ELMO1: variants seen among roughly 807,000 people sequenced by gnomAD.
The protein encoded by ELMO1 is engulfment and cell motility 1.
ELMO1 carries 26 observed loss-of-function variants against 98.9 expected under a neutral mutation model. The ratio of observed to expected loss-of-function variants is 0.26; its 90% CI spans 0.19 to 0.36. The LOEUF (loss-of-function observed/expected upper bound fraction) is 0.36, where lower values mean the gene tolerates loss of function less well. Ranked by LOEUF, ELMO1 falls within the 10% of genes least tolerant of loss-of-function variation. The pLI, the probability that ELMO1 is intolerant of heterozygous loss-of-function variation, is 1.00. For missense variants in ELMO1, 627 were observed against 935.2 expected, an observed-to-expected ratio of 0.67 and a Z score of 4.30; for synonymous variants, 346 against 346.0, an observed-to-expected ratio of 1.00 and a Z score of 0.00.
chr7:37,107,612 A>G (rs986773544), intron 14 of ELMO1, among the ~76,000 whole-genome samples: 5 of 152,350 alleles, frequency 3.3e-5, no homozygotes, highest in African/African-American at 1.2e-4. Context: ...ACCGGAGTGC[A>G]AAGATACCAA....
chr7:37,179,407 A>G (rs1277576241), intron 13 of ELMO1, among the ~76,000 whole-genome samples: 1 of 151,380 alleles, frequency 6.6e-6, no homozygotes, highest in Non-Finnish European at 1.5e-5. Flanking sequence ...CCTCCCGAGT[A>G]TCTGTGATTA....
chr7:37,447,228 G>A (rs1647780), intron 1 of ELMO1, among the ~76,000 whole-genome samples: 18,384 of 152,166 alleles, frequency 0.12, 1,508 homozygotes, highest in Non-Finnish European at 0.17. Context: ...TACTTTTATA[G>A]AAGCAAAAGA....
intron 1 of ELMO1, among the ~76,000 whole-genome samples, chr7:37,367,740 C>G (rs1164524374): frequency 6.6e-6 from 1 of 151,960 alleles, no homozygotes; most frequent in Non-Finnish European, 1.5e-5. Context: ...CTACCAGAAA[C>G]AAACAAACAA....
intron 16 of ELMO1, among the ~76,000 whole-genome samples, chr7:36,929,178 G>A (rs1170639109): frequency 6.6e-6 from 1 of 152,144 alleles, no homozygotes; most frequent in Non-Finnish European, 1.5e-5. Flanking sequence ...CTACAGATTG[G>A]GGTATGGATT....
intron 1 of ELMO1, among the ~76,000 whole-genome samples, chr7:37,378,525 C>T (rs1802452704): frequency 1.3e-5 from 2 of 152,048 alleles, no homozygotes; most frequent in African/African-American, 4.8e-5. Flanking sequence ...CTACAAATCT[C>T]CCTCTAGAAA....
intron 16 of ELMO1, among the ~76,000 whole-genome samples, chr7:37,002,423 T>C (rs1223851946): frequency 1.3e-5 from 2 of 152,234 alleles, no homozygotes; most frequent in Admixed American, 1.3e-4. Flanking sequence ...CCATTCAATC[T>C]ATCACATTGG....
Position 37,315,907 on chromosome 7 carries a change from G to C in ELMO1, c.119+13C>G. 1 of 1,595,484 alleles carries C rather than the reference G, an allele frequency of 6.3e-7. No homozygotes were observed. The highest frequency in any genetic ancestry group is 8.5e-7 in the Non-Finnish European group (1 of 1,173,556). On this transcript the variant is annotated intron_variant, in intron 3 of 21. Coordinates refer to ENST00000310758, the MANE Select transcript of ELMO1 (RefSeq NM_014800.11). ...AACTAGAATGCCTTAGATAAATCCT[G>C]AGTAACACTTACCCATCACAGACTT... is the stretch of plus-strand genomic sequence containing the variant.
At chr7:37,158,226 C>T (rs193026079) in intron 13 of ELMO1, among the ~76,000 whole-genome samples, 35 of 152,224 alleles carry the variant, frequency 2.3e-4, no homozygotes, top group African/African-American at 7.0e-4. Flanking sequence ...TAGGCAATAC[C>T]ATTCAGGACA....
chr7:37,387,488 C>T (rs777452511), intron 1 of ELMO1, among the ~76,000 whole-genome samples: 1 of 152,120 alleles, frequency 6.6e-6, no homozygotes, highest in Non-Finnish European at 1.5e-5. Flanking sequence ...GATTAGGGGC[C>T]GACCCTACTC....
chr7:37,305,785 T>C lies in ELMO1; in HGVS notation c.192+9065A>G, dbSNP rs1798582574. ...CCACGTGAGACACAGAGCTGGAATA[T>C]ACAGTTTTTGATTGTAAAGTACTTG... On this transcript the variant is annotated intron_variant, in intron 4 of 21. Coordinates refer to ENST00000310758, the MANE Select transcript of ELMO1 (RefSeq NM_014800.11). 2.6e-5 allele frequency among the ~76,000 whole-genome samples: 4 copies of C among 152,226 alleles called. No homozygotes were observed. The South Asian group carries it at 8.3e-4, about 31-fold the overall frequency.
intron 1 of ELMO1, among the ~76,000 whole-genome samples, chr7:37,381,488 A>C (rs563387889): frequency 1.3e-5 from 2 of 152,362 alleles, no homozygotes; most frequent in East Asian, 3.9e-4. Flanking sequence ...ACTAATGAAG[A>C]GTGAAACCAC....
chr7:36,993,713 T>TA (rs1489818633), intron 16 of ELMO1, among the ~76,000 whole-genome samples: 2 of 152,248 alleles, frequency 1.3e-5, no homozygotes, highest in Admixed American at 1.3e-4. Context: ...AGAAAAGAGT[T>TA]AATTTGATAT....
chr7:36,948,222 G>T (rs574622200), intron 16 of ELMO1, among the ~76,000 whole-genome samples: 95 of 152,144 alleles, frequency 6.2e-4, no homozygotes, highest in African/African-American at 2.0e-3. Context: ...ATTTAGAGGG[G>T]TAGACAATGG....
intron 1 of ELMO1, among the ~76,000 whole-genome samples, chr7:37,403,033 C>G (rs1228466488): frequency 1.3e-5 from 2 of 152,198 alleles, no homozygotes; most frequent in Non-Finnish European, 2.9e-5. Flanking sequence ...TTACCAAAAC[C>G]TGCAAGCAAC....
chr7:36,899,701 A>C (rs1459687280), intron 16 of ELMO1, among the ~76,000 whole-genome samples: 8 of 2,070 alleles, frequency 3.9e-3, no homozygotes, highest in Non-Finnish European at 9.3e-3. Flanking sequence ...TTTTTTTTTT[A>C]CCACTCCTAA....
chr7:37,195,945 T>G (rs1791939882), intron 13 of ELMO1, among the ~76,000 whole-genome samples: 1 of 152,150 alleles, frequency 6.6e-6, no homozygotes, highest in Non-Finnish European at 1.5e-5. Context: ...CAAATTCAAA[T>G]CTGCTAACTT....
intron 1 of ELMO1, among the ~76,000 whole-genome samples, chr7:37,423,440 C>A (rs1223706450): frequency 6.6e-6 from 1 of 152,090 alleles, no homozygotes. Flanking sequence ...ATTAGCCAGG[C>A]GCAGCGGTGG....
At chr7:37,061,603 T>C (rs1048072761) in intron 15 of ELMO1, among the ~76,000 whole-genome samples, 3 of 152,070 alleles carry the variant, frequency 2.0e-5, no homozygotes, top group African/African-American at 7.2e-5. Context: ...AATCAACCAG[T>C]GGTCTTCAAG....
chr7:37,072,025 C>A (rs946779087), intron 15 of ELMO1, among the ~76,000 whole-genome samples: 18 of 152,258 alleles, frequency 1.2e-4, no homozygotes, highest in Admixed American at 8.5e-4. Flanking sequence ...TGAGGAGGAG[C>A]ATTCTTTATT....
Sources: gnomAD v4.1 joint callset for allele counts (sites outside exome capture counted in the v4.1 genomes callset) on GRCh38, gnomAD v4.1.1 for gene constraint, MANE v1.5 for transcripts, NCBI Gene and HGNC (gene_info 2026-07-23, HGNC 2026-07-21) for gene names.